The following ASB7 variants were observed in gnomAD, a reference collection of about 807,000 sequenced individuals.
ASB7 encodes ankyrin repeat and SOCS box containing 7.
In ASB7, 4 loss-of-function variants were observed where a neutral mutation model predicts 32.5. The ratio of observed to expected loss-of-function variants is 0.12; its 90% CI spans 0.06 to 0.28. The LOEUF (loss-of-function observed/expected upper bound fraction) is 0.28. ASB7 is among the 10% of genes least tolerant of loss of function. The probability of loss-of-function intolerance (pLI) is 1.00; values close to 1 mark genes in which losing one functional copy is unlikely to be tolerated. For synonymous variants in ASB7, 172 were observed against 155.6 expected (o/e 1.11, Z -0.78); for missense variants, 181 against 407.1 (o/e 0.44, Z 4.78).
At chr15:100,622,213 G>GAAAAAAGAAAAAAGA (rs1159615307) in intron 4 of ASB7, among the ~76,000 whole-genome samples, 1 of 151,128 alleles carries the variant, frequency 6.6e-6, no homozygotes, top group African/African-American at 2.4e-5. Flanking sequence ...AAAGAAAAAA[G>GAAAAAAGAAAAAAGA]AAAAAAAACC....
chr15:100,646,341 T>G (rs564785792), intron 5 of ASB7: 1 of 374,190 alleles, frequency 2.7e-6, no homozygotes, highest in South Asian at 2.5e-5. Flanking sequence ...TCCCTTGAAT[T>G]GAACTGGTCC....
At chr15:100,628,301 A>G (rs2039857164) in intron 4 of ASB7, among the ~76,000 whole-genome samples, 1 of 152,228 alleles carries the variant, frequency 6.6e-6, no homozygotes, top group Non-Finnish European at 1.5e-5. Context: ...TTTTTCTAAG[A>G]GAACCATTTG....
intron 3 of ASB7, among the ~76,000 whole-genome samples, chr15:100,611,484 C>CTTTTTTTGTTTTTTTTTTTTTTTTTTTTT (rs2039694697): frequency 1.3e-5 from 1 of 77,142 alleles, no homozygotes. Context: ...TGTTTCGATT[C>CTTTTTTTGTTTTTTTTTTTTTTTTTTTTT]TTTTTTTTTT....
intron 4 of ASB7, among the ~76,000 whole-genome samples, chr15:100,615,228 TAAG>T (rs1223607914): frequency 2.0e-5 from 3 of 152,222 alleles, no homozygotes; most frequent in African/African-American, 7.2e-5. Flanking sequence ...TCCCTGTTGT[TAAG>T]TAGTATATAT....
At position 100,648,536 on chromosome 15, in the gene ASB7, T is replaced by A; in HGVS notation, c.*74T>A. Reference sequence around the variant, plus strand: ...AAGGCTTTTTGCCTTGCACAAAGTATATCCTATGCAATTTCTGATTTGCTG... The same window carrying A: ...AAGGCTTTTTGCCTTGCACAAAGTAAATCCTATGCAATTTCTGATTTGCTG... On this transcript the variant is annotated 3_prime_UTR_variant, in exon 6 of 6. Transcript: ENST00000332783. 8.1e-7 allele frequency: 1 copy of A among 1,232,086 alleles called. No homozygotes were observed. Among genetic ancestry groups the A allele is most frequent in the Non-Finnish European group, 1.1e-6 (1 of 904,070 alleles). 76.3% of individuals were successfully genotyped at this position (1,232,086 alleles called of 1,614,324 possible). A position where few individuals can be genotyped will look rare whatever the true frequency, so the allele number is the denominator to read the frequency against.
chr15:100,646,288 C>T (rs1379070518), intron 5 of ASB7: 2 of 389,866 alleles, frequency 5.1e-6, no homozygotes, highest in East Asian at 5.9e-5. Context: ...GGACCAGATT[C>T]GAGAAGTCTC....
At position 100,651,134 on chromosome 15, in the gene ASB7, G is replaced by A. The variant is rs955458930; in HGVS notation, c.*2672G>A. On this transcript the variant is annotated 3_prime_UTR_variant, in exon 6 of 6. Coordinates refer to ENST00000332783, the MANE Select transcript of ASB7 (RefSeq NM_198243.3). ...TTTGGCAAATACACCAAAGAAACCA[G>A]CTTACAAAAGATTATGATCATTAAT... is the stretch of plus-strand genomic sequence containing the variant. The A allele has an allele frequency of 4.0e-5, 6 of 150,926 alleles. No individual in the cohort carries two copies. The highest frequency in any genetic ancestry group is 8.8e-5 in the Non-Finnish European group (6 of 67,922). 9.3% of individuals were successfully genotyped at this position (150,926 alleles called of 1,614,324 possible).
At chr15:100,628,950 T>C (rs2039863427) in intron 4 of ASB7, among the ~76,000 whole-genome samples, 1 of 152,202 alleles carries the variant, frequency 6.6e-6, no homozygotes, top group Non-Finnish European at 1.5e-5. Context: ...TTTTATTACT[T>C]AATATACCCT....
intron 4 of ASB7, chr15:100,612,643 C>G (rs372095549): frequency 5.2e-6 from 3 of 577,326 alleles, no homozygotes; most frequent in Non-Finnish European, 9.2e-6. Context: ...TTCCCTGAAA[C>G]TGTAGTGTCT....
chr15:100,628,771 A>G (rs1478492430), intron 4 of ASB7, among the ~76,000 whole-genome samples: 1 of 152,216 alleles, frequency 6.6e-6, no homozygotes, highest in Admixed American at 6.5e-5. Flanking sequence ...TATTTTTACA[A>G]TGCTGAGGTT....
At chr15:100,623,152 A>C (rs749293699) in intron 4 of ASB7, among the ~76,000 whole-genome samples, 6 of 152,216 alleles carry the variant, frequency 3.9e-5, no homozygotes, top group Admixed American at 6.5e-5. Context: ...TAATCCCAGC[A>C]CTTTGGGAGG....
chr15:100,614,763 CA>C (rs1220306262), intron 4 of ASB7, among the ~76,000 whole-genome samples: 2 of 136,312 alleles, frequency 1.5e-5, no homozygotes, highest in Admixed American at 7.2e-5. Context: ...AAAAAAAAAG[CA>C]AAAAAGTCTT....
chr15:100,650,505 A>G lies in ASB7; in HGVS notation c.*2043A>G, dbSNP rs2040024749. 1 of 152,134 alleles carries G rather than the reference A, an allele frequency of 6.6e-6. No homozygotes were observed. Among genetic ancestry groups the G allele is most frequent in the Admixed American group, 6.6e-5 (1 of 15,266 alleles). The allele number at this position is 152,134 out of a possible 1,614,324, so 9.4% of individuals were successfully genotyped here. On this transcript the variant is annotated 3_prime_UTR_variant, in exon 6 of 6. Coordinates refer to ENST00000332783, the MANE Select transcript of ASB7 (RefSeq NM_198243.3). ...CTCTCATCAGTGATGTTCATGTTACACTTGCACAAGGGCTGATTTCCACGT... is the reference window on the plus strand; with the variant it reads ...CTCTCATCAGTGATGTTCATGTTACGCTTGCACAAGGGCTGATTTCCACGT...
chr15:100,605,221 G>C (rs934066355), intron 2 of ASB7, among the ~76,000 whole-genome samples: 14 of 152,118 alleles, frequency 9.2e-5, no homozygotes, highest in Admixed American at 1.3e-4. Context: ...GAGAGTATTT[G>C]GTCTAGATTA....
At chr15:100,618,187 TCTCA>T in intron 4 of ASB7, among the ~76,000 whole-genome samples, 1 of 152,192 alleles carries the variant, frequency 6.6e-6, no homozygotes, top group East Asian at 1.9e-4. Flanking sequence ...CGTGATCTCA[TCTCA>T]CTGCAACCTC....
chr15:100,635,050 C>T (rs556390692), intron 5 of ASB7, among the ~76,000 whole-genome samples: 12 of 152,250 alleles, frequency 7.9e-5, no homozygotes, highest in East Asian at 1.9e-4. Context: ...TTACCCTTTA[C>T]GTAGGAGGGA....
intron 5 of ASB7, among the ~76,000 whole-genome samples, chr15:100,641,294 G>A (rs1597012006): frequency 6.6e-6 from 1 of 151,974 alleles, no homozygotes; most frequent in Non-Finnish European, 1.5e-5. Context: ...ACTTTTAGGC[G>A]ATCTGTTGAC....
At chr15:100,631,248 C>A (rs936643162) in intron 5 of ASB7, among the ~76,000 whole-genome samples, 1 of 152,186 alleles carries the variant, frequency 6.6e-6, no homozygotes, top group African/African-American at 2.4e-5. Context: ...AGCCACTGGT[C>A]CCATGTGGCT....
intron 4 of ASB7, among the ~76,000 whole-genome samples, chr15:100,617,028 C>T (rs757277956): frequency 1.6e-4 from 25 of 152,186 alleles, no homozygotes; most frequent in Non-Finnish European, 8.8e-5. Context: ...AGAAACCATC[C>T]TTGGTACCTT....
Sources: gnomAD v4.1 joint callset for allele counts (sites outside exome capture counted in the v4.1 genomes callset) on GRCh38, gnomAD v4.1.1 for gene constraint, MANE v1.5 for transcripts, NCBI Gene and HGNC (gene_info 2026-07-23, HGNC 2026-07-21) for gene names.